TCF7L1: variants seen among roughly 807,000 people sequenced by gnomAD.
TCF7L1 encodes transcription factor 7 like 1.
TCF7L1 carries 18 observed loss-of-function variants against 63.7 expected under a neutral mutation model. The observed-to-expected ratio is 0.28, with a 90% confidence interval of 0.20 to 0.42. The LOEUF (loss-of-function observed/expected upper bound fraction) is 0.42. TCF7L1 is among the 10% of genes least tolerant of loss of function. The probability of loss-of-function intolerance (pLI) is 1.00; values close to 1 mark genes in which losing one functional copy is unlikely to be tolerated. For synonymous variants in TCF7L1, 355 were observed against 340.9 expected (o/e 1.04, Z -0.46); for missense variants, 654 against 779.3 (o/e 0.84, Z 1.91).
chr2:85,246,895 T>C (rs1013982406), intron 3 of TCF7L1, among the ~76,000 whole-genome samples: 1 of 152,224 alleles, frequency 6.6e-6, no homozygotes, highest in Non-Finnish European at 1.5e-5. Context: ...CTGTGCCTGA[T>C]GTCACCATAG....
intron 7 of TCF7L1, 49 bp downstream of exon 7, chr2:85,304,387 C>CCT: frequency 1.3e-6 from 2 of 1,579,644 alleles, no homozygotes; most frequent in Non-Finnish European, 1.7e-6. Flanking sequence ...AGCAACCACG[C>CCT]CATTTCTGAC....
Position 85,208,189 on chromosome 2 carries a change from A to G in TCF7L1, c.441+73739A>G, listed in dbSNP as rs1405171609. Among the ~76,000 whole-genome samples, 5 of 152,292 alleles carry G rather than the reference A, an allele frequency of 3.3e-5. No homozygotes were observed. In the South Asian group the frequency reaches 1.0e-3, roughly 32 times the overall value. On this transcript the variant is annotated intron_variant, in intron 3 of 11. Coordinates refer to ENST00000282111, the MANE Select transcript of TCF7L1 (RefSeq NM_031283.3). ...CCAAAGTGCTGGGATTACAAGTGTG[A>G]GCCACCACACCTGGCCTATTAAATG...
At chr2:85,222,362 AAC>A (rs1475015476) in intron 3 of TCF7L1, among the ~76,000 whole-genome samples, 31 of 119,044 alleles carry the variant, frequency 2.6e-4, no homozygotes, top group Non-Finnish European at 2.9e-4. Flanking sequence ...CAAACAAACA[AAC>A]AAAAAAAAAA....
At chr2:85,178,757 C>A (rs183743195) in intron 3 of TCF7L1, among the ~76,000 whole-genome samples, 5 of 152,208 alleles carry the variant, frequency 3.3e-5, no homozygotes, top group African/African-American at 1.2e-4. Flanking sequence ...TGGTTGCCAC[C>A]CATCCTGTCT....
chr2:85,167,547 G>A (rs980686985), intron 3 of TCF7L1, among the ~76,000 whole-genome samples: 2 of 152,204 alleles, frequency 1.3e-5, no homozygotes, highest in South Asian at 4.2e-4. Context: ...GGCTCTGCAC[G>A]CAATGGAATA....
At chr2:85,252,781 C>T (rs1439081983) in intron 3 of TCF7L1, among the ~76,000 whole-genome samples, 2 of 152,156 alleles carry the variant, frequency 1.3e-5, no homozygotes, top group African/African-American at 4.8e-5. Context: ...ACCTAGTATC[C>T]AGCTCCCCAG....
At chr2:85,138,351 T>C (rs772019425) in intron 3 of TCF7L1, among the ~76,000 whole-genome samples, 1 of 152,138 alleles carries the variant, frequency 6.6e-6, no homozygotes, top group Non-Finnish European at 1.5e-5. Context: ...CAAGCAGAAA[T>C]CTTTGTATGT....
intron 3 of TCF7L1, among the ~76,000 whole-genome samples, chr2:85,265,612 C>T (rs1680949739): frequency 6.6e-6 from 1 of 152,138 alleles, no homozygotes; most frequent in Non-Finnish European, 1.5e-5. Flanking sequence ...TGCCCAGGAA[C>T]CATTGAAGGC....
chr2:85,212,200 C>A (rs1291044539), intron 3 of TCF7L1, among the ~76,000 whole-genome samples: 1 of 152,102 alleles, frequency 6.6e-6, no homozygotes, highest in East Asian at 1.9e-4. Flanking sequence ...GTCAGCAGCC[C>A]CCAGATGGGC....
chr2:85,302,034 A>G (rs1202891292), intron 4 of TCF7L1, among the ~76,000 whole-genome samples: 1 of 152,150 alleles, frequency 6.6e-6, no homozygotes, highest in African/African-American at 2.4e-5. Context: ...AGGCTGAGAC[A>G]GGAGAATTGC....
At chr2:85,249,256 G>A (rs1180319107) in intron 3 of TCF7L1, among the ~76,000 whole-genome samples, 2 of 152,172 alleles carry the variant, frequency 1.3e-5, no homozygotes, top group African/African-American at 2.4e-5. Flanking sequence ...TGCCACTGCC[G>A]CTACTGCTAA....
chr2:85,145,945 A>G (rs1677870816), intron 3 of TCF7L1, among the ~76,000 whole-genome samples: 1 of 152,094 alleles, frequency 6.6e-6, no homozygotes, highest in South Asian at 2.1e-4. Context: ...GCCTGGGCTC[A>G]AGTGATCCTT....
At chr2:85,149,208 TAAC>T (rs934715340) in intron 3 of TCF7L1, among the ~76,000 whole-genome samples, 1 of 152,128 alleles carries the variant, frequency 6.6e-6, no homozygotes, top group African/African-American at 2.4e-5. Context: ...TGCAAAAACT[TAAC>T]AAATTACTTT....
intron 3 of TCF7L1, among the ~76,000 whole-genome samples, chr2:85,248,018 T>C (rs1489399958): frequency 6.6e-6 from 1 of 152,174 alleles, no homozygotes; most frequent in Non-Finnish European, 1.5e-5. Flanking sequence ...TCGGTTCTGT[T>C]AGCTCCAAGA....
intron 3 of TCF7L1, among the ~76,000 whole-genome samples, chr2:85,236,025 G>T (rs1340316170): frequency 6.6e-6 from 1 of 152,142 alleles, no homozygotes; most frequent in African/African-American, 2.4e-5. Context: ...GCCAGGCATG[G>T]TGGCATGCCC....
intron 3 of TCF7L1, among the ~76,000 whole-genome samples, chr2:85,215,162 G>A (rs1258879852): frequency 2.0e-5 from 3 of 152,106 alleles, no homozygotes; most frequent in Admixed American, 6.6e-5. Flanking sequence ...CTTTAACACC[G>A]GGACCTTCTG....
intron 3 of TCF7L1, among the ~76,000 whole-genome samples, chr2:85,142,432 ATGTGTG>A (rs138067915): frequency 0.1 from 13,920 of 137,838 alleles, 826 homozygotes; most frequent in Middle Eastern, 0.14. Context: ...AAAAAAAAAA[ATGTGTG>A]TGTGTGTGTG....
intron 3 of TCF7L1, among the ~76,000 whole-genome samples, chr2:85,260,894 G>A (rs1461026877): frequency 5.3e-5 from 8 of 152,126 alleles, no homozygotes; most frequent in African/African-American, 1.9e-4. Flanking sequence ...ACTCTGGGAT[G>A]TAAAAGAAGT....
intron 3 of TCF7L1, among the ~76,000 whole-genome samples, chr2:85,246,632 C>T (rs1160329618): frequency 6.6e-6 from 1 of 152,236 alleles, no homozygotes. Context: ...CTGGCCGTTG[C>T]TCGGTGGGGG....
Sources: allele counts gnomAD v4.1 joint callset (sites outside exome capture counted in the v4.1 genomes callset), GRCh38; gene constraint gnomAD v4.1.1; transcripts MANE v1.5; gene names NCBI Gene and HGNC (gene_info 2026-07-23, HGNC 2026-07-21).